KIF26B: variants seen among roughly 807,000 people sequenced by gnomAD.
KIF26B encodes kinesin family member 26B.
KIF26B carries 63 observed loss-of-function variants against 151.2 expected under a neutral mutation model. The ratio of observed to expected loss-of-function variants is 0.42; its 90% CI spans 0.34 to 0.51. The LOEUF is 0.51. Among genes scored for constraint, KIF26B ranks in the 20% least tolerant of loss-of-function variants. The pLI is 0.07. For missense variants in KIF26B, 2,813 were observed against 2,913.6 expected (o/e 0.97, Z 0.79); for synonymous variants, 1,357 against 1,262.1 (o/e 1.08, Z -1.59).
At chr1:245,211,318 C>T (rs532952777) in intron 2 of KIF26B, among the ~76,000 whole-genome samples, 1 of 152,274 alleles carries the variant, frequency 6.6e-6, no homozygotes, top group East Asian at 1.9e-4. Flanking sequence ...ACTCACCATC[C>T]AAAGAGTTGG....
chr1:245,191,615 ACT>A (rs910810490), intron 2 of KIF26B, among the ~76,000 whole-genome samples: 10 of 152,186 alleles, frequency 6.6e-5, no homozygotes, highest in East Asian at 3.8e-4. Flanking sequence ...TAAAAATTAA[ACT>A]CTGTATATCA....
intron 5 of KIF26B, among the ~76,000 whole-genome samples, chr1:245,573,379 C>T (rs1043258784): frequency 5.9e-5 from 9 of 152,114 alleles, no homozygotes; most frequent in South Asian, 2.1e-4. Flanking sequence ...AAAAATTAGC[C>T]GGGCGTGGTG....
chr1:245,626,412 T>TTC (rs1558242324), intron 9 of KIF26B, among the ~76,000 whole-genome samples: 1 of 151,742 alleles, frequency 6.6e-6, no homozygotes, highest in East Asian at 1.9e-4. Flanking sequence ...GTTTTTTTTT[T>TTC]CTGTCTTTCT....
chr1:245,420,702 T>C (rs1658464967), intron 4 of KIF26B, among the ~76,000 whole-genome samples: 1 of 152,256 alleles, frequency 6.6e-6, no homozygotes, highest in African/African-American at 2.4e-5. Flanking sequence ...GGATGATACC[T>C]GCTCTGCAGG....
At chr1:245,504,160 G>C (rs1300479962) in intron 4 of KIF26B, among the ~76,000 whole-genome samples, 1 of 152,112 alleles carries the variant, frequency 6.6e-6, no homozygotes, top group African/African-American at 2.4e-5. Context: ...AGGAGGCCCT[G>C]GGCCCTATTC....
intron 11 of KIF26B, among the ~76,000 whole-genome samples, chr1:245,684,910 G>A (rs1333926523): frequency 1.3e-5 from 2 of 152,178 alleles, no homozygotes; most frequent in East Asian, 1.9e-4. Context: ...GCTGGACATC[G>A]CTGGGCTCAT....
At chr1:245,458,097 T>C (rs963199516) in intron 4 of KIF26B, among the ~76,000 whole-genome samples, 1 of 152,200 alleles carries the variant, frequency 6.6e-6, no homozygotes, top group Non-Finnish European at 1.5e-5. Context: ...TTTTATATGA[T>C]TCCACACATT....
At chr1:245,191,740 T>C (rs1669115078) in intron 2 of KIF26B, among the ~76,000 whole-genome samples, 1 of 152,184 alleles carries the variant, frequency 6.6e-6, no homozygotes, top group Admixed American at 6.5e-5. Context: ...TACAAATTGC[T>C]AATGTCAACA....
In KIF26B at chr1:245,306,388, G is replaced by A. The variant is rs559213666; in HGVS notation, c.466-60446G>A. Among the ~76,000 whole-genome samples, 5 of 152,312 alleles carry A rather than the reference G, an allele frequency of 3.3e-5. No individual in the cohort carries two copies. The East Asian group carries it at 9.7e-4, about 29-fold the overall frequency. On this transcript the variant is annotated intron_variant, in intron 2 of 14. Transcript: ENST00000407071. ...TTCTCAGGGGCTGAATTGGGACGTT[G>A]CAGCTAATGCATATGGAATTTATTT... is the stretch of plus-strand genomic sequence containing the variant.
chr1:245,624,739 T>C lies in KIF26B; in HGVS notation c.2098+12763T>C, dbSNP rs2043704857. The stretch of plus-strand genomic sequence containing the variant: ...TTTGAAAAACAAATACTTGTTTTTT[T>C]ATGAAGTCCAATTTATATGTTCTTT... On this transcript the variant is annotated intron_variant, in intron 9 of 14. Transcript: ENST00000407071. 2.0e-5 allele frequency among the ~76,000 whole-genome samples: 3 copies of C among 152,212 alleles called. No homozygotes were observed. The South Asian group carries it at 6.2e-4, about 32-fold the overall frequency.
At chr1:245,612,085 TGTGTG>T (rs1558236310) in intron 9 of KIF26B, 109 bp downstream of exon 9, 1 of 708,350 alleles carries the variant, frequency 1.4e-6, no homozygotes, top group East Asian at 2.7e-5. Flanking sequence ...TGTGTGTGTG[TGTGTG>T]TGTGTGTGTG....
At chr1:245,334,012 TCTC>T (rs1344887311) in intron 2 of KIF26B, among the ~76,000 whole-genome samples, 2 of 150,668 alleles carry the variant, frequency 1.3e-5, no homozygotes, top group Non-Finnish European at 3.0e-5. Flanking sequence ...AAAAAAAAAA[TCTC>T]CTCTACGAGT....
chr1:245,429,553 C>T (rs1658729688), intron 4 of KIF26B, among the ~76,000 whole-genome samples: 1 of 152,144 alleles, frequency 6.6e-6, no homozygotes, highest in Admixed American at 6.5e-5. Context: ...TGCATTTTAG[C>T]AGAGCTCCAG....
intron 2 of KIF26B, among the ~76,000 whole-genome samples, chr1:245,197,687 T>C (rs1669219580): frequency 2.0e-5 from 3 of 152,118 alleles, no homozygotes. Flanking sequence ...AGAATGAAAA[T>C]AGGACAGAAG....
rs1672991498 is a variant in KIF26B at position 245,367,500 on chromosome 1, C to A, written c.999+133C>A. 1.4e-5 allele frequency: 12 copies of A among 887,276 alleles called. 1 individual carries two copies. The South Asian group carries it at 2.1e-4, about 16-fold the overall frequency. The allele number at this position is 887,276 out of a possible 1,614,324, so 55.0% of individuals were successfully genotyped here. Reference sequence around the variant, plus strand: ...GCCCAGTGTTTCCATGTGGCCCCCACAGAGTTCTCATCAAGGTGCCCCACC... The same window carrying A: ...GCCCAGTGTTTCCATGTGGCCCCCAAAGAGTTCTCATCAAGGTGCCCCACC... On this transcript the variant is annotated intron_variant, in intron 3 of 14. Coordinates refer to ENST00000407071, the MANE Select transcript of KIF26B (RefSeq NM_018012.4). The surrounding 1 kb of genome is among the most constrained non-coding windows in gnomAD (Gnocchi z 4.2).
At position 245,709,110 on chromosome 1, in the gene KIF26B, T is replaced by C. The variant is rs568234403; in HGVS notation, c.*6504T>C. 1 of 152,374 alleles carries C rather than the reference T, an allele frequency of 6.6e-6. No individual in the cohort carries two copies. The highest frequency in any genetic ancestry group is 1.5e-5 in the Non-Finnish European group (1 of 68,038). 9.4% of individuals were successfully genotyped at this position (152,374 alleles called of 1,614,324 possible). On this transcript the variant is annotated 3_prime_UTR_variant, in exon 15 of 15. Transcript: ENST00000407071. ...AGTCAGAAATTCAACTCTTCTGTACTTGGGCAGGTCCCAGCAGCCCCTTGG... is the reference window on the plus strand; with the variant it reads ...AGTCAGAAATTCAACTCTTCTGTACCTGGGCAGGTCCCAGCAGCCCCTTGG...
At chr1:245,346,601 C>G (rs1345885946) in intron 2 of KIF26B, among the ~76,000 whole-genome samples, 1 of 152,202 alleles carries the variant, frequency 6.6e-6, no homozygotes. Context: ...CTTCGGTACT[C>G]TGGCTTCTCA....
At chr1:245,538,870 C>T (rs1202892620) in intron 4 of KIF26B, among the ~76,000 whole-genome samples, 3 of 152,072 alleles carry the variant, frequency 2.0e-5, no homozygotes, top group Admixed American at 1.3e-4. Flanking sequence ...GCCATGATGC[C>T]TTGTGCCAAT....
rs558038627 is a variant in KIF26B at position 245,521,231 on chromosome 1, G to A, written c.1167-19536G>A. ...GAGCACCTGTAGTCCCAGCTACTCC[G>A]AAGGCTGAGGCAGGAGAATGGCGTG... On this transcript the variant is annotated intron_variant, in intron 4 of 14. Coordinates refer to ENST00000407071, the MANE Select transcript of KIF26B (RefSeq NM_018012.4). Among the ~76,000 whole-genome samples the A allele has an allele frequency of 3.9e-5, 6 of 152,032 alleles. No homozygotes were observed. In the East Asian group the frequency reaches 5.8e-4, roughly 15 times the overall value.
Sources: gnomAD v4.1 joint callset for allele counts (sites outside exome capture counted in the v4.1 genomes callset) on GRCh38, gnomAD v4.1.1 for gene constraint, Gnocchi (gnomAD v3.1) non-coding constraint, MANE v1.5 for transcripts, NCBI Gene and HGNC (gene_info 2026-07-23, HGNC 2026-07-21) for gene names.